The following TNS1 variants were observed in gnomAD, a reference collection of about 807,000 sequenced individuals.
The protein encoded by TNS1 is tensin-1.
A neutral mutation model predicts 168.6 loss-of-function variants in TNS1; 62 were observed. The ratio of observed to expected loss-of-function variants is 0.37; its 90% CI spans 0.30 to 0.45. The LOEUF is 0.45. Among genes scored for constraint, TNS1 ranks in the 20% least tolerant of loss-of-function variants. TNS1 has a pLI of 1.00. For missense variants in TNS1, 2,240 were observed against 2,339.4 expected (o/e 0.96, Z 0.88); for synonymous variants, 934 against 933.2 (o/e 1.00, Z -0.02).
At chr2:217,825,151 C>T (rs920418477) in intron 22 of TNS1, among the ~76,000 whole-genome samples, 6 of 152,236 alleles carry the variant, frequency 3.9e-5, no homozygotes, top group African/African-American at 1.4e-4. Flanking sequence ...CTACTCTCTA[C>T]CCTGATCTGC....
Position 217,882,292 on chromosome 2 carries a change from T to C in TNS1, c.1312+54A>G, listed in dbSNP as rs953424102. The C allele has an allele frequency of 4.0e-6, 5 of 1,239,662 alleles. No homozygotes were observed. The African/African-American group carries it at 4.5e-5, about 11-fold the overall frequency. The allele number at this position is 1,239,662 out of a possible 1,614,324, so 76.8% of individuals were successfully genotyped here. On this transcript the variant is annotated intron_variant, in intron 17 of 32. Transcript: ENST00000682258. Reference sequence around the variant, plus strand: ...ACCAGGGGTGGAAGGGTGCTGGGGATAGGGTCAGGATAAAAGGAAGGAGTG... The same window carrying C: ...ACCAGGGGTGGAAGGGTGCTGGGGACAGGGTCAGGATAAAAGGAAGGAGTG...
At position 217,900,478 on chromosome 2, in the gene TNS1, T is replaced by C. The variant is rs768837233; in HGVS notation, c.356A>G (p.His119Arg). The C allele has an allele frequency of 1.1e-5, 17 of 1,534,856 alleles. No individual in the cohort carries two copies. Among genetic ancestry groups the C allele is most frequent in the Non-Finnish European group, 1.4e-5 (16 of 1,146,644 alleles). ...CCAGGCATACCTGATGGGCTGGAGG[T>C]GGGGCTGGACACTCGGGGTGACCCT... ...STRVTPSVQP[H>R]LQPIRNMSVS... The change falls in exon 7 of 33, where the codon CAC becomes CGC. Residue 119 changes from histidine to arginine, a missense_variant. By Grantham distance (29) the His-to-Arg change is conservative (BLOSUM62 0). Transcript: ENST00000682258.
chr2:218,014,488 G>A (rs751544287), upstream of TNS1, among the ~76,000 whole-genome samples: 9 of 152,102 alleles, frequency 5.9e-5, no homozygotes, highest in South Asian at 2.1e-4. Context: ...TACAAGGCAC[G>A]GAACTCACAC....
chr2:217,859,754 A>G, intron 18 of TNS1: 1 of 1,411,344 alleles, frequency 7.1e-7, no homozygotes, highest in Non-Finnish European at 9.7e-7. Context: ...GCAATGCCTC[A>G]CCCTCGTTCC....
At chr2:217,937,017 G>A (rs1956644801) in intron 3 of TNS1, 1 of 456,790 alleles carries the variant, frequency 2.2e-6, no homozygotes, top group Non-Finnish European at 4.4e-6. Context: ...CCCTGTGCCT[G>A]AAGAAGTCTT....
chr2:217,811,036 G>A (rs1485854960), intron 28 of TNS1, among the ~76,000 whole-genome samples: 2 of 152,122 alleles, frequency 1.3e-5, no homozygotes, highest in Non-Finnish European at 2.9e-5. Flanking sequence ...GAGCCACCAT[G>A]CCTGGATAAT....
At chr2:218,001,045 C>T (rs147703152) in intron 1 of TNS1, among the ~76,000 whole-genome samples, 3 of 152,088 alleles carry the variant, frequency 2.0e-5, no homozygotes, top group African/African-American at 2.4e-5. Context: ...CCCAGCTACT[C>T]GGGAGGCTGA....
intron 4 of TNS1, among the ~76,000 whole-genome samples, chr2:217,910,674 ATTCC>A (rs1211148518): frequency 6.8e-6 from 1 of 146,242 alleles, no homozygotes; most frequent in African/African-American, 2.6e-5. Flanking sequence ...TCTTCACTCC[ATTCC>A]TGGCCAGGAT....
intron 4 of TNS1, among the ~76,000 whole-genome samples, chr2:217,919,466 C>T (rs1175627471): frequency 6.6e-6 from 1 of 152,266 alleles, no homozygotes; most frequent in Non-Finnish European, 1.5e-5. Context: ...CAGGCAGCCC[C>T]CTTCCTTCCC....
chr2:218,006,995 C>G (rs1300357346), upstream of TNS1, among the ~76,000 whole-genome samples: 1 of 152,160 alleles, frequency 6.6e-6, no homozygotes, highest in Non-Finnish European at 1.5e-5. Context: ...GATCCAGTCT[C>G]TCAGTTCCCA....
At chr2:217,964,664 G>A (rs1022185232) in intron 3 of TNS1, among the ~76,000 whole-genome samples, 16 of 152,294 alleles carry the variant, frequency 1.1e-4, no homozygotes, top group Admixed American at 4.6e-4. Context: ...GTATGCAGAC[G>A]AGGGCTCCAG....
chr2:217,984,158 C>G (rs1436405153), intron 2 of TNS1, among the ~76,000 whole-genome samples: 1 of 152,238 alleles, frequency 6.6e-6, no homozygotes, highest in Non-Finnish European at 1.5e-5. Context: ...TGCCACAGCT[C>G]TACAATCACG....
At chr2:217,981,229 GCA>G (rs1414510008) in intron 2 of TNS1, among the ~76,000 whole-genome samples, 1 of 152,228 alleles carries the variant, frequency 6.6e-6, no homozygotes, top group Admixed American at 6.5e-5. Flanking sequence ...CTGGGCTCAT[GCA>G]CAGTGTCTTT....
At position 217,813,405 on chromosome 2, in the gene TNS1, A is replaced by T; in HGVS notation, c.4862-98T>A. On this transcript the variant is annotated intron_variant, in intron 26 of 32. Transcript: ENST00000682258. This position sits in a 1 kb window ranked among gnomAD's most constrained non-coding sequence, Gnocchi z 4.0. ...CAAAACTTCCGCAGTGTGCGGGGCCAAGATGGGAGAAATGACTGAAGAGAG... is the reference window on the plus strand; with the variant it reads ...CAAAACTTCCGCAGTGTGCGGGGCCTAGATGGGAGAAATGACTGAAGAGAG... 1 of 1,091,642 alleles carries T rather than the reference A, an allele frequency of 9.2e-7. No homozygotes were observed. The highest frequency in any genetic ancestry group is 1.4e-6 in the Non-Finnish European group (1 of 735,020). The allele number at this position is 1,091,642 out of a possible 1,614,324, so 67.6% of individuals were successfully genotyped here.
At chr2:218,028,836 C>T (rs1260801416) in intron 1 of TNS1, among the ~76,000 whole-genome samples, 3 of 152,206 alleles carry the variant, frequency 2.0e-5, no homozygotes, top group Non-Finnish European at 4.4e-5. Context: ...GGCCCCTAAG[C>T]ATAGCCTGGG....
chr2:217,867,300 A>G (rs888717076), intron 18 of TNS1, among the ~76,000 whole-genome samples: 1 of 152,202 alleles, frequency 6.6e-6, no homozygotes, highest in African/African-American at 2.4e-5. Context: ...CTCTTCATAT[A>G]TTCTTCTACC....
chr2:217,922,850 C>T (rs969753219), intron 3 of TNS1, among the ~76,000 whole-genome samples: 3 of 152,274 alleles, frequency 2.0e-5, no homozygotes, highest in African/African-American at 7.2e-5. Flanking sequence ...CGGCGTCCTC[C>T]ATCCTCCGCC....
Position 217,804,516 on chromosome 2 carries a change from G to A in TNS1, c.5463C>T (p.Ala1821=). Residue 1821 remains alanine (A), a synonymous_variant, in exon 33 of 33, where the codon GCC becomes GCT. Transcript: ENST00000682258. ...TGGAGACGAAGTTGACGATGGCAGA[G>A]GCCGGCTGGTTGGGGTCAAGCTCAG... is the stretch of plus-strand genomic sequence containing the variant. ...LFAELDPNQP[A]SAIVNFVSKV... 2 of 1,614,156 alleles carry A rather than the reference G, an allele frequency of 1.2e-6. No homozygotes were observed. Among genetic ancestry groups the A allele is most frequent in the South Asian group, 1.1e-5 (1 of 91,080 alleles).
chr2:217,813,897 C>T lies in TNS1; in HGVS notation c.4730-81G>A, dbSNP rs1941437577. On this transcript the variant is annotated intron_variant, in intron 25 of 32. Transcript: ENST00000682258. The surrounding 1 kb of genome is among the most constrained non-coding windows in gnomAD (Gnocchi z 4.0). ...TTTACTTAAGTCTCATTGAGCCTAC[C>T]GACCTTCGTTCTTTCTTAGGTGAGA... 1.7e-5 allele frequency: 25 copies of T among 1,439,816 alleles called. No homozygotes were observed. Among genetic ancestry groups the T allele is most frequent in the Middle Eastern group, 2.6e-4 (1 of 3,884 alleles). The allele number at this position is 1,439,816 out of a possible 1,614,324, so 89.2% of individuals were successfully genotyped here. A position where few individuals can be genotyped will look rare whatever the true frequency, so the allele number is the denominator to read the frequency against.
Sources: allele counts gnomAD v4.1 joint callset (sites outside exome capture counted in the v4.1 genomes callset), GRCh38; gene constraint gnomAD v4.1.1; non-coding constraint Gnocchi (gnomAD v3.1); transcripts MANE v1.5; gene names NCBI Gene and HGNC (gene_info 2026-07-23, HGNC 2026-07-21).